The following LRRC8D variants were observed in gnomAD, a reference collection of about 807,000 sequenced individuals.
LRRC8D encodes volume-regulated anion channel subunit LRRC8D.
LRRC8D carries 20 observed loss-of-function variants against 55.8 expected under a neutral mutation model. That is an observed-to-expected ratio of 0.36 (90% CI 0.25 to 0.52). The LOEUF is 0.52. Ranked by LOEUF, LRRC8D falls within the 20% of genes least tolerant of loss-of-function variation. The pLI, the probability that LRRC8D is intolerant of heterozygous loss-of-function variation, is 0.93. For missense variants in LRRC8D, 651 were observed against 1,030.8 expected, an observed-to-expected ratio of 0.63 and a Z score of 5.05; for synonymous variants, 352 against 377.0, an observed-to-expected ratio of 0.93 and a Z score of 0.77.
intron 2 of LRRC8D, among the ~76,000 whole-genome samples, chr1:89,897,008 T>C (rs1308386214): frequency 2.6e-5 from 4 of 152,178 alleles, no homozygotes; most frequent in Non-Finnish European, 2.9e-5. Context: ...CTGATTGATA[T>C]TCAGAGAGTT....
At chr1:89,824,862 A>G (rs928700570) in intron 1 of LRRC8D, among the ~76,000 whole-genome samples, 1 of 152,192 alleles carries the variant, frequency 6.6e-6, no homozygotes, top group African/African-American at 2.4e-5. Context: ...CTGAGACCTA[A>G]GCATAAATGT....
chr1:89,879,664 C>T (rs975360239), intron 2 of LRRC8D, among the ~76,000 whole-genome samples: 8 of 151,980 alleles, frequency 5.3e-5, no homozygotes, highest in African/African-American at 1.9e-4. Context: ...TAGTAGACAC[C>T]GTTGTTCTAA....
chr1:89,888,687 A>G (rs1315802453), intron 2 of LRRC8D, among the ~76,000 whole-genome samples: 1 of 152,248 alleles, frequency 6.6e-6, no homozygotes, highest in Non-Finnish European at 1.5e-5. Context: ...GGGAATGTGC[A>G]AGATGAACTT....
intron 2 of LRRC8D, among the ~76,000 whole-genome samples, chr1:89,895,218 T>C (rs1382346602): frequency 6.6e-6 from 1 of 152,234 alleles, no homozygotes; most frequent in Non-Finnish European, 1.5e-5. Context: ...CAAGAAAAGA[T>C]AAGCCTACTA....
intron 2 of LRRC8D, among the ~76,000 whole-genome samples, chr1:89,846,312 ATTT>A (rs35802731): frequency 6.4e-5 from 9 of 140,986 alleles, no homozygotes; most frequent in Admixed American, 7.0e-5. Context: ...TATATGATGT[ATTT>A]TTTTTTTTTT....
rs540321251 is a variant in LRRC8D at position 89,909,568 on chromosome 1, T to C, written c.-2-23499T>C. 3.3e-5 allele frequency among the ~76,000 whole-genome samples: 5 copies of C among 152,038 alleles called. No individual in the cohort carries two copies. The East Asian group carries it at 7.7e-4, about 24-fold the overall frequency. On this transcript the variant is annotated intron_variant, in intron 2 of 2. Transcript: ENST00000337338. Reference sequence around the variant, plus strand: ...AGGAAATTTATCTGGCAAAATAGAATTATAAGAATTTAGTAGGGCCAGGCA... The same window carrying C: ...AGGAAATTTATCTGGCAAAATAGAACTATAAGAATTTAGTAGGGCCAGGCA...
intron 2 of LRRC8D, among the ~76,000 whole-genome samples, chr1:89,844,342 G>A (rs1421517703): frequency 6.6e-6 from 1 of 152,152 alleles, no homozygotes; most frequent in African/African-American, 2.4e-5. Context: ...CCGGTTCCTT[G>A]GTTTCTGTTT....
chr1:89,856,819 C>G (rs760535974), intron 2 of LRRC8D, among the ~76,000 whole-genome samples: 1 of 152,116 alleles, frequency 6.6e-6, no homozygotes, highest in East Asian at 1.9e-4. Context: ...GGATTAATAT[C>G]CACCACGCTT....
intron 2 of LRRC8D, among the ~76,000 whole-genome samples, chr1:89,879,529 A>G (rs1277211853): frequency 6.6e-6 from 1 of 152,218 alleles, no homozygotes; most frequent in Non-Finnish European, 1.5e-5. Context: ...TATACTTCAA[A>G]GATATTATAA....
intron 2 of LRRC8D, among the ~76,000 whole-genome samples, chr1:89,929,052 A>G (rs1465631445): frequency 6.6e-6 from 1 of 152,252 alleles, no homozygotes; most frequent in Non-Finnish European, 1.5e-5. Flanking sequence ...TCATTGATTA[A>G]GTACCTACTA....
At chr1:89,852,122 G>A (rs945033033) in intron 2 of LRRC8D, among the ~76,000 whole-genome samples, 3 of 152,002 alleles carry the variant, frequency 2.0e-5, no homozygotes, top group Non-Finnish European at 4.4e-5. Context: ...TCATAATATA[G>A]AATGTTCTAG....
intron 2 of LRRC8D, among the ~76,000 whole-genome samples, chr1:89,905,032 T>C (rs1177396592): frequency 6.6e-6 from 1 of 151,980 alleles, no homozygotes; most frequent in South Asian, 2.1e-4. Flanking sequence ...TTATAAAGGA[T>C]TGATAGTTTA....
Position 89,927,943 on chromosome 1 carries a change from C to T in LRRC8D, c.-2-5124C>T, listed in dbSNP as rs114880620. On this transcript the variant is annotated intron_variant, in intron 2 of 2. Transcript: ENST00000337338. ...ACTATTACTGTCACCATTATCATCA[C>T]CACTAAATGCCATCTGTGTTCTTCA... Among the ~76,000 whole-genome samples the T allele has an allele frequency of 2.6e-3, 393 of 152,306 alleles. 1 individual carries two copies. The highest frequency in any genetic ancestry group is 9.1e-3 in the African/African-American group (378 of 41,568).
intron 2 of LRRC8D, among the ~76,000 whole-genome samples, chr1:89,848,849 A>G (rs1021883710): frequency 2.0e-5 from 3 of 151,772 alleles, no homozygotes; most frequent in Non-Finnish European, 4.4e-5. Context: ...ACAGGCGCCC[A>G]CCACCACGCT....
chr1:89,853,524 A>G (rs917196575), intron 2 of LRRC8D, among the ~76,000 whole-genome samples: 1 of 152,196 alleles, frequency 6.6e-6, no homozygotes, highest in Non-Finnish European at 1.5e-5. Context: ...AACATTGAGT[A>G]CCCGGTGCTT....
intron 2 of LRRC8D, among the ~76,000 whole-genome samples, chr1:89,914,929 A>C (rs1203890166): frequency 6.6e-6 from 1 of 151,860 alleles, no homozygotes; most frequent in African/African-American, 2.4e-5. Flanking sequence ...GTAGTGGTCC[A>C]TGCTCCGTCT....
chr1:89,848,273 A>G (rs1167719896), intron 2 of LRRC8D, among the ~76,000 whole-genome samples: 2 of 152,198 alleles, frequency 1.3e-5, no homozygotes, highest in Non-Finnish European at 2.9e-5. Context: ...CTGTGAGGCC[A>G]GTTTCAGAAT....
At chr1:89,885,719 G>T (rs1662401743) in intron 2 of LRRC8D, among the ~76,000 whole-genome samples, 1 of 152,136 alleles carries the variant, frequency 6.6e-6, no homozygotes, top group Admixed American at 6.5e-5. Context: ...TGTTTTCTTT[G>T]AGAGAATAAA....
At position 89,878,944 on chromosome 1, in the gene LRRC8D, G is replaced by A. The variant is rs1406138520; in HGVS notation, c.-3+35162G>A. Among the ~76,000 whole-genome samples the A allele has an allele frequency of 2.1e-5, 3 of 144,600 alleles. No homozygotes were observed. In the Admixed American group the frequency reaches 2.1e-4, roughly 10 times the overall value. 94.9% of individuals were successfully genotyped at this position (144,600 alleles called of 152,430 possible). A position where few individuals can be genotyped will look rare whatever the true frequency, so the allele number is the denominator to read the frequency against. On this transcript the variant is annotated intron_variant, in intron 2 of 2. Transcript: ENST00000337338. ...GTCGCACCACTGCACTCTAGCCTGG[G>A]CAACAAGAGCGAAAATCCGTCTCAA...
Sources: allele counts gnomAD v4.1 joint callset (sites outside exome capture counted in the v4.1 genomes callset), GRCh38; gene constraint gnomAD v4.1.1; transcripts MANE v1.5; gene names NCBI Gene and HGNC (gene_info 2026-07-23, HGNC 2026-07-21).